EDA2R: variants seen among roughly 807,000 people sequenced by gnomAD.
EDA2R encodes the protein tumor necrosis factor receptor superfamily member 27.
A neutral mutation model predicts 20.1 loss-of-function variants in EDA2R; 26 were observed. The ratio of observed to expected loss-of-function variants is 1.30; its 90% CI spans 0.95 to 1.80. The LOEUF is 1.80. EDA2R is among the 40% of genes most tolerant of loss of function. The pLI is 0.00. For missense variants in EDA2R, 277 were observed against 228.7 expected (o/e 1.21, Z -1.36); for synonymous variants, 114 against 88.7 (o/e 1.29, Z -1.60).
At chrX:66,602,549 T>A in intron 5 of EDA2R, 84 bp downstream of exon 5, 1 of 1,021,892 alleles carries the variant, frequency 9.8e-7, no homozygotes, top group Non-Finnish European at 1.3e-6. Context: ...AGGCCCATTG[T>A]CTCTCAACCC....
chrX:66,638,878 A>G (rs762904676), intron 1 of EDA2R, 117 bp downstream of exon 1: 2 of 110,763 alleles, frequency 1.8e-5, no homozygotes, highest in East Asian at 5.8e-4. Context: ...CGCCTTCCCA[A>G]TTGTTCTGAT....
chrX:66,604,653 T>C, intron 3 of EDA2R, 147 bp from the exon 4 acceptor site: 1 of 496,473 alleles, frequency 2.0e-6, no homozygotes, highest in Non-Finnish European at 3.3e-6. Context: ...CTCTGTGTCT[T>C]TTTCTGACTC....
Position 66,622,163 on chromosome X carries a change from G to C in EDA2R, c.-10-6133C>G, listed in dbSNP as rs188367400. Among the ~76,000 whole-genome samples, 249 of 111,842 alleles carry C rather than the reference G, an allele frequency of 2.2e-3. 1 individual carries two copies. Among genetic ancestry groups the C allele is most frequent in the Non-Finnish European group, 3.3e-3 (177 of 53,224 alleles). ...AATTATTCCCTTATTTTGCCTGTCT[G>C]TCATGTGGCTGCTCTTCCCACCCAT... is the stretch of plus-strand genomic sequence containing the variant. On this transcript the variant is annotated intron_variant, in intron 1 of 6. Transcript: ENST00000374719.
chrX:66,620,294 C>T (rs1932384625), intron 1 of EDA2R, among the ~76,000 whole-genome samples: 1 of 111,328 alleles, frequency 9.0e-6, no homozygotes, highest in African/African-American at 3.3e-5. Context: ...AATTGAGTTG[C>T]TATACTATGG....
intron 1 of EDA2R, among the ~76,000 whole-genome samples, chrX:66,624,494 G>C (rs1189988057): frequency 8.9e-6 from 1 of 111,822 alleles, no homozygotes; most frequent in East Asian, 2.8e-4. Context: ...ACTCCAGCCT[G>C]GGCAACAGAG....
At chrX:66,601,593 C>T (rs2147566741) in intron 5 of EDA2R, among the ~76,000 whole-genome samples, 1 of 111,874 alleles carries the variant, frequency 8.9e-6, no homozygotes, top group African/African-American at 3.2e-5. Context: ...GATCTTCCCA[C>T]ACAAATACTG....
chrX:66,625,152 A>G (rs1932950808), intron 1 of EDA2R, among the ~76,000 whole-genome samples: 2 of 111,645 alleles, frequency 1.8e-5, no homozygotes, highest in South Asian at 7.6e-4. Flanking sequence ...TTTGAACCAG[A>G]AGAGAAGCAT....
At chrX:66,612,859 T>C (rs1464790884) in intron 2 of EDA2R, among the ~76,000 whole-genome samples, 1 of 111,321 alleles carries the variant, frequency 9.0e-6, no homozygotes, top group Non-Finnish European at 1.9e-5. Flanking sequence ...AAAAATTTAT[T>C]GAGAATTCTC....
chrX:66,624,556 C>A (rs1334991932), intron 1 of EDA2R, among the ~76,000 whole-genome samples: 2 of 111,711 alleles, frequency 1.8e-5, no homozygotes, highest in East Asian at 2.8e-4. Context: ...AGAAGAAGAT[C>A]ACATGATGAG....
rs777329809 is a variant in EDA2R at position 66,599,567 on chromosome X, C to G, written c.811G>C (p.Ala271Pro). 8.4e-7 allele frequency: 1 copy of G among 1,192,947 alleles called. No homozygotes were observed. The highest frequency in any genetic ancestry group is 1.8e-5 in the South Asian group (1 of 54,426). The change falls in exon 6 of 7, where the codon GCT (alanine) becomes CCT (proline). Residue 271 changes from alanine to proline, a missense_variant. Physicochemically the swap from Ala to Pro is conservative, Grantham distance 27. Coordinates refer to ENST00000374719, the MANE Select transcript of EDA2R (RefSeq NM_021783.5). The stretch of plus-strand genomic sequence containing the variant: ...ACTGTGTTTCCCCCCAAGGTCTCAG[C>G]TCCAGTATAGGAGGCAGAGCTGGAA... ...KFSSSASYTGAETLGGNTVES... is the reference protein window; with the variant it reads ...KFSSSASYTGPETLGGNTVES...
intron 5 of EDA2R, chrX:66,600,069 C>T: frequency 8.6e-7 from 1 of 1,160,724 alleles, no homozygotes; most frequent in African/African-American, 1.8e-5. Flanking sequence ...CTAGCTGGTA[C>T]TGGATCAGAG....
intron 2 of EDA2R, 44 bp downstream of exon 2, chrX:66,615,890 C>T: frequency 1.8e-6 from 2 of 1,104,959 alleles, no homozygotes; most frequent in Non-Finnish European, 2.5e-6. Flanking sequence ...CGGGCTGGTT[C>T]CTAAGATGCA....
At chrX:66,637,032 T>C (rs1934398446) in intron 1 of EDA2R, among the ~76,000 whole-genome samples, 2 of 111,225 alleles carry the variant, frequency 1.8e-5, no homozygotes. Context: ...GTACATAATA[T>C]GCTTAGGATC....
chrX:66,603,536 G>A (rs1347149359), intron 4 of EDA2R, among the ~76,000 whole-genome samples: 1 of 111,634 alleles, frequency 9.0e-6, no homozygotes, highest in Non-Finnish European at 1.9e-5. Context: ...TCATTGACCT[G>A]GAAGACATAT....
intron 1 of EDA2R, among the ~76,000 whole-genome samples, chrX:66,618,381 T>C (rs1396801326): frequency 6.2e-5 from 7 of 112,236 alleles, no homozygotes; most frequent in Admixed American, 2.8e-4. Context: ...TCAGACCTTA[T>C]ATGAATTTTT....
chrX:66,617,154 CAG>C (rs1227254811), intron 1 of EDA2R, among the ~76,000 whole-genome samples: 8 of 111,993 alleles, frequency 7.1e-5, no homozygotes, highest in African/African-American at 2.6e-4. Context: ...TACTCTTAGT[CAG>C]AAGAGACGAG....
chrX:66,609,136 C>T (rs1385022109), intron 2 of EDA2R, among the ~76,000 whole-genome samples: 2 of 111,896 alleles, frequency 1.8e-5, no homozygotes, highest in African/African-American at 3.2e-5. Context: ...AAACACAGAG[C>T]TCCCATAAGC....
At chrX:66,615,701 C>A (rs1000193095) in intron 2 of EDA2R, among the ~76,000 whole-genome samples, 1 of 111,516 alleles carries the variant, frequency 9.0e-6, no homozygotes, top group African/African-American at 3.3e-5. Context: ...CATTACACAT[C>A]TATTCTTGAA....
intron 2 of EDA2R, 128 bp downstream of exon 2, chrX:66,615,806 C>A (rs1306656284): frequency 2.0e-6 from 1 of 491,013 alleles, no homozygotes; most frequent in Admixed American, 3.1e-5. Flanking sequence ...CTCTGTGGAT[C>A]CCAGGTTTTA....
Sources: gnomAD v4.1 joint callset for allele counts (sites outside exome capture counted in the v4.1 genomes callset) on GRCh38, gnomAD v4.1.1 for gene constraint, MANE v1.5 for transcripts, NCBI Gene and HGNC (gene_info 2026-07-23, HGNC 2026-07-21) for gene names.